Variants in SV2C observed in about 807,000 individuals in gnomAD.
SV2C encodes solute carrier family 22 member B3.
In SV2C, 49 loss-of-function variants were observed where a neutral mutation model predicts 79.7. The ratio of observed to expected loss-of-function variants is 0.61; its 90% CI spans 0.49 to 0.78. The LOEUF (loss-of-function observed/expected upper bound fraction) is 0.78. Ranked by LOEUF, SV2C falls within the 30% of genes least tolerant of loss-of-function variation. The pLI is 0.00. For missense variants in SV2C, 833 were observed against 912.9 expected (o/e 0.91, Z 1.13); for synonymous variants, 334 against 333.2 (o/e 1.00, Z -0.03).
chr5:75,864,350 ATCC>A, the SV2C span, among the ~76,000 whole-genome samples: 1 of 151,726 alleles, frequency 6.6e-6, no homozygotes, highest in African/African-American at 2.4e-5. Flanking sequence ...CCATCCATCC[ATCC>A]ATTCATTTAA....
chr5:75,963,138 C>T, the SV2C span, among the ~76,000 whole-genome samples: 1 of 152,098 alleles, frequency 6.6e-6, no homozygotes, highest in Non-Finnish European at 1.5e-5. Flanking sequence ...CTGACAGAGT[C>T]TAGAGAGTGA....
At chr5:75,907,109 C>T in the SV2C span, among the ~76,000 whole-genome samples, 1 of 152,152 alleles carries the variant, frequency 6.6e-6, no homozygotes, top group Non-Finnish European at 1.5e-5. Context: ...GCCAGAATAA[C>T]AACCACTGGC....
the SV2C span, among the ~76,000 whole-genome samples, chr5:75,852,825 CAA>C: frequency 1.6e-4 from 13 of 81,188 alleles, no homozygotes; most frequent in East Asian, 1.3e-3. Flanking sequence ...GACTCCGTCT[CAA>C]AAAAAAAAAA....
chr5:75,914,151 A>G, the SV2C span, among the ~76,000 whole-genome samples: 1 of 152,178 alleles, frequency 6.6e-6, no homozygotes, highest in Non-Finnish European at 1.5e-5. Flanking sequence ...TTTCATCTTT[A>G]AAGTACAATG....
chr5:75,864,232 C>T, the SV2C span, among the ~76,000 whole-genome samples: 1 of 152,064 alleles, frequency 6.6e-6, no homozygotes, highest in Non-Finnish European at 1.5e-5. Flanking sequence ...ATATTTCCTG[C>T]CTTGTTCAGA....
intron 2 of SV2C, among the ~76,000 whole-genome samples, chr5:76,182,164 T>C (rs1296685507): frequency 1.3e-5 from 2 of 152,214 alleles, no homozygotes; most frequent in Non-Finnish European, 2.9e-5. Flanking sequence ...ACTGCTTTAT[T>C]GATTTGCATG....
chr5:76,033,520 C>T, the SV2C span, among the ~76,000 whole-genome samples: 2 of 152,208 alleles, frequency 1.3e-5, no homozygotes, highest in Non-Finnish European at 2.9e-5. Flanking sequence ...TTCCCCATTG[C>T]TTATTTTTCT....
intron 2 of SV2C, among the ~76,000 whole-genome samples, chr5:76,156,716 T>C (rs898556168): frequency 6.6e-6 from 1 of 152,094 alleles, no homozygotes; most frequent in Non-Finnish European, 1.5e-5. Flanking sequence ...ATAAATGAGA[T>C]ATAAATTTTA....
At chr5:76,245,908 G>A (rs1745928220) in intron 4 of SV2C, among the ~76,000 whole-genome samples, 1 of 105,916 alleles carries the variant, frequency 9.4e-6, no homozygotes, top group South Asian at 3.1e-4. Context: ...ATTGAGGCAG[G>A]GGAGTGTGTG....
intron 2 of SV2C, among the ~76,000 whole-genome samples, chr5:76,156,340 G>C (rs1004658773): frequency 2.6e-5 from 4 of 152,126 alleles, no homozygotes; most frequent in Admixed American, 2.6e-4. Flanking sequence ...TCTATGGGGG[G>C]AAGGAAACAG....
the SV2C span, among the ~76,000 whole-genome samples, chr5:75,924,034 A>G: frequency 2.0e-5 from 3 of 152,224 alleles, no homozygotes; most frequent in Admixed American, 6.5e-5. Flanking sequence ...ATGAGTGGCT[A>G]AAGAAAATGT....
chr5:75,874,676 A>C, the SV2C span, among the ~76,000 whole-genome samples: 342 of 152,226 alleles, frequency 2.2e-3, 2 homozygotes, highest in Middle Eastern at 6.8e-3. Context: ...CGGCCCAAAA[A>C]AGCTCCTCCA....
chr5:76,274,600 G>A (rs1458114715), intron 4 of SV2C, among the ~76,000 whole-genome samples: 1 of 151,500 alleles, frequency 6.6e-6, no homozygotes, highest in African/African-American at 2.4e-5. Context: ...CCATTGTAAG[G>A]CTATACCATA....
chr5:76,014,432 A>G, the SV2C span, among the ~76,000 whole-genome samples: 4 of 152,254 alleles, frequency 2.6e-5, no homozygotes, highest in Non-Finnish European at 5.9e-5. Flanking sequence ...GGCATAATTT[A>G]GACTTTTAAG....
the SV2C span, among the ~76,000 whole-genome samples, chr5:76,074,503 GGGTACGGCCCTGAATGGCC>G: frequency 1.3e-5 from 2 of 152,202 alleles, no homozygotes; most frequent in Non-Finnish European, 2.9e-5. Flanking sequence ...AGCAAACTCA[GGGTACGGCCCTGAATGGCC>G]TAGAGTTTCC....
downstream of SV2C, among the ~76,000 whole-genome samples, chr5:76,336,065 TCCCTCCCGG>T (rs1749315189): frequency 1.6e-5 from 1 of 60,626 alleles, no homozygotes; most frequent in Non-Finnish European, 5.3e-5. Flanking sequence ...CCCCCCCACC[TCCCTCCCGG>T]ACGGGGCGGC....
At chr5:75,991,588 C>CATATAT in the SV2C span, among the ~76,000 whole-genome samples, 832 of 137,802 alleles carry the variant, frequency 6.0e-3, 18 homozygotes, top group African/African-American at 0.022. Context: ...TATATATACA[C>CATATAT]ACATATATAT....
intron 1 of SV2C, among the ~76,000 whole-genome samples, chr5:76,129,679 G>A (rs1400146673): frequency 2.0e-5 from 3 of 152,134 alleles, no homozygotes; most frequent in African/African-American, 7.2e-5. Context: ...GATACCTGTG[G>A]CTGAGGACAA....
At chr5:76,075,249 C>G in the SV2C span, among the ~76,000 whole-genome samples, 1 of 152,196 alleles carries the variant, frequency 6.6e-6, no homozygotes, top group East Asian at 1.9e-4. Context: ...AATGGGACTT[C>G]TTTGCTGCAT....
Sources: allele counts gnomAD v4.1 joint callset (sites outside exome capture counted in the v4.1 genomes callset), GRCh38; gene constraint gnomAD v4.1.1; transcripts MANE v1.5; gene names NCBI Gene and HGNC (gene_info 2026-07-23, HGNC 2026-07-21).